Variants in TOM1L2 observed in about 807,000 individuals in gnomAD.
TOM1L2 encodes the protein TOM1-like protein 2.
Under a neutral mutation model 67.9 loss-of-function variants are expected in TOM1L2, and 31 were observed. The ratio of observed to expected loss-of-function variants is 0.46; its 90% CI spans 0.34 to 0.62. TOM1L2 has a LOEUF of 0.62. TOM1L2 is among the 20% of genes least tolerant of loss of function. TOM1L2 has a pLI of 0.01. For synonymous variants in TOM1L2, 256 were observed against 254.0 expected, an observed-to-expected ratio of 1.01 and a Z score of -0.07; for missense variants, 606 against 663.5, an observed-to-expected ratio of 0.91 and a Z score of 0.95.
chr17:17,962,158 T>C (rs559692461), intron 1 of TOM1L2, among the ~76,000 whole-genome samples: 12 of 152,264 alleles, frequency 7.9e-5, no homozygotes, highest in African/African-American at 2.9e-4. Flanking sequence ...GGTTTCATAA[T>C]AAATATATGA....
intron 1 of TOM1L2, among the ~76,000 whole-genome samples, chr17:17,928,805 T>C (rs540461415): frequency 3.3e-5 from 5 of 152,336 alleles, no homozygotes; most frequent in African/African-American, 1.2e-4. Context: ...GATTTTTTTT[T>C]TCTTTAGAGC....
At chr17:17,945,124 C>G (rs1459683031) in intron 1 of TOM1L2, among the ~76,000 whole-genome samples, 1 of 152,174 alleles carries the variant, frequency 6.6e-6, no homozygotes, top group Non-Finnish European at 1.5e-5. Flanking sequence ...AAAGCAGAAA[C>G]TGGCAAAAGG....
chr17:17,902,572 G>C (rs914643859), intron 2 of TOM1L2, among the ~76,000 whole-genome samples: 1 of 152,230 alleles, frequency 6.6e-6, no homozygotes, highest in East Asian at 1.9e-4. Flanking sequence ...AGAACTGTTG[G>C]GGGTAGGGGG....
chr17:17,938,883 C>CTTAT (rs1303098812), intron 1 of TOM1L2, among the ~76,000 whole-genome samples: 1 of 151,506 alleles, frequency 6.6e-6, no homozygotes, highest in African/African-American at 2.4e-5. Flanking sequence ...TAGGTCGAAA[C>CTTAT]TTATAATTCT....
At chr17:17,880,560 G>T (rs138985296) in intron 6 of TOM1L2, among the ~76,000 whole-genome samples, 7 of 152,182 alleles carry the variant, frequency 4.6e-5, no homozygotes, top group South Asian at 2.1e-4. Context: ...TATCATAGAA[G>T]AATCTGCATA....
At chr17:17,937,755 G>A (rs752132587) in intron 1 of TOM1L2, among the ~76,000 whole-genome samples, 2 of 152,188 alleles carry the variant, frequency 1.3e-5, no homozygotes, top group Non-Finnish European at 2.9e-5. Context: ...TAATGCAGAG[G>A]TGAACACCAC....
At chr17:17,895,347 A>AC (rs1440115578) in intron 3 of TOM1L2, among the ~76,000 whole-genome samples, 3 of 152,156 alleles carry the variant, frequency 2.0e-5, no homozygotes, top group African/African-American at 7.2e-5. Context: ...AACTAATCCA[A>AC]CCACTGGTTA....
chr17:17,866,108 A>G (rs1387232762), intron 10 of TOM1L2, among the ~76,000 whole-genome samples, 188 bp downstream of exon 10: 1 of 152,104 alleles, frequency 6.6e-6, no homozygotes, highest in South Asian at 2.1e-4. Flanking sequence ...TTAAACTTCA[A>G]ATTTAGGGGG....
intron 1 of TOM1L2, among the ~76,000 whole-genome samples, chr17:17,943,120 T>C (rs1002532591): frequency 6.6e-6 from 1 of 152,148 alleles, no homozygotes; most frequent in African/African-American, 2.4e-5. Context: ...TTCTCCCAAT[T>C]CATATCTATG....
At chr17:17,851,716 G>C (rs1473271426) in intron 12 of TOM1L2, among the ~76,000 whole-genome samples, 1 of 152,172 alleles carries the variant, frequency 6.6e-6, no homozygotes, top group Non-Finnish European at 1.5e-5. Context: ...CTTTAGTCTC[G>C]TCCTTTCTTC....
At chr17:17,956,733 G>A (rs986744702) in intron 1 of TOM1L2, among the ~76,000 whole-genome samples, 6 of 152,224 alleles carry the variant, frequency 3.9e-5, no homozygotes, top group Non-Finnish European at 8.8e-5. Context: ...TGCTGGCCTG[G>A]ATGCTAAGCC....
At chr17:17,895,853 T>C (rs2038542418) in intron 3 of TOM1L2, among the ~76,000 whole-genome samples, 1 of 152,184 alleles carries the variant, frequency 6.6e-6, no homozygotes, top group South Asian at 2.1e-4. Flanking sequence ...ATGAGGAAGC[T>C]GAGGATCAGA....
intron 9 of TOM1L2, 59 bp from the exon 10 acceptor site, chr17:17,866,478 G>A: frequency 1.3e-6 from 2 of 1,510,230 alleles, no homozygotes; most frequent in Non-Finnish European, 1.8e-6. Context: ...CTCTGAGGTA[G>A]AAGCTGGCAA....
intron 7 of TOM1L2, among the ~76,000 whole-genome samples, chr17:17,875,368 C>T (rs1444190357): frequency 6.6e-6 from 1 of 152,170 alleles, no homozygotes; most frequent in Non-Finnish European, 1.5e-5. Flanking sequence ...TGCATGTCCT[C>T]TGTGGTGTCA....
chr17:17,871,012 A>T (rs759629277), intron 7 of TOM1L2, among the ~76,000 whole-genome samples: 1 of 152,196 alleles, frequency 6.6e-6, no homozygotes, highest in Admixed American at 6.5e-5. Context: ...TTTCCCTGGT[A>T]CCCATGACAC....
intron 1 of TOM1L2, among the ~76,000 whole-genome samples, chr17:17,937,597 C>A (rs1363103694): frequency 6.6e-6 from 1 of 152,202 alleles, no homozygotes; most frequent in African/African-American, 2.4e-5. Flanking sequence ...GCAGGCTTTG[C>A]GTCACCTGCT....
intron 1 of TOM1L2, among the ~76,000 whole-genome samples, chr17:17,934,940 A>G (rs2040461851): frequency 6.6e-6 from 1 of 152,216 alleles, no homozygotes; most frequent in South Asian, 2.1e-4. Context: ...CGGGTTCATT[A>G]CTCAGCCACC....
At chr17:17,887,768 C>A (rs1010524443) in intron 4 of TOM1L2, among the ~76,000 whole-genome samples, 2 of 152,170 alleles carry the variant, frequency 1.3e-5, no homozygotes, top group African/African-American at 4.8e-5. Context: ...GAGCCAACTG[C>A]GCCCAGCCCA....
intron 6 of TOM1L2, among the ~76,000 whole-genome samples, chr17:17,880,405 G>A (rs2037662066): frequency 6.6e-6 from 1 of 152,160 alleles, no homozygotes; most frequent in African/African-American, 2.4e-5. Context: ...CTGGGCCAAG[G>A]CCCAAGGCTC....
Sources: allele counts gnomAD v4.1 joint callset (sites outside exome capture counted in the v4.1 genomes callset), GRCh38; gene constraint gnomAD v4.1.1; transcripts MANE v1.5; gene names NCBI Gene and HGNC (gene_info 2026-07-23, HGNC 2026-07-21).